GNG4: variants seen among roughly 807,000 people sequenced by gnomAD.
GNG4 encodes guanine nucleotide-binding protein G(I)/G(S)/G(O) subunit gamma-4.
A neutral mutation model predicts 5.8 loss-of-function variants in GNG4; 4 were observed. The observed-to-expected ratio is 0.69, with a 90% CI of 0.34 to 1.57. GNG4 has a LOEUF of 1.57. Ranked by LOEUF, GNG4 falls within the 40% of genes most tolerant of loss-of-function variation. GNG4 has a pLI of 0.06. For missense variants in GNG4, 96 were observed against 95.1 expected (o/e 1.01, Z -0.04); for synonymous variants, 29 against 32.9 (o/e 0.88, Z 0.41).
At chr1:235,563,434 C>T (rs963452690) in intron 3 of GNG4, among the ~76,000 whole-genome samples, 8 of 113,456 alleles carry the variant, frequency 7.1e-5, no homozygotes, top group Middle Eastern at 6.4e-3. Flanking sequence ...AAAAAAAAAG[C>T]GTTTTATCTT....
chr1:235,632,899 C>A (rs1035968286), intron 1 of GNG4, among the ~76,000 whole-genome samples: 22 of 152,196 alleles, frequency 1.4e-4, no homozygotes, highest in African/African-American at 5.3e-4. Flanking sequence ...AAAGACTATT[C>A]AAAGAAAATT....
chr1:235,591,890 C>T (rs61591926), intron 2 of GNG4, among the ~76,000 whole-genome samples: 3 of 152,156 alleles, frequency 2.0e-5, no homozygotes, highest in Non-Finnish European at 2.9e-5. Flanking sequence ...ACCCGTTGTA[C>T]GGGTCTGTGG....
chr1:235,616,197 A>G, intron 1 of GNG4: 1 of 523,338 alleles, frequency 1.9e-6, no homozygotes. Context: ...TTCTCTGCCA[A>G]CTGAATTTTT....
intron 2 of GNG4, among the ~76,000 whole-genome samples, chr1:235,590,424 C>T (rs1267352049): frequency 6.6e-6 from 1 of 152,004 alleles, no homozygotes; most frequent in East Asian, 1.9e-4. Context: ...CACTGCACTC[C>T]AGCCTGGGTG....
In GNG4 at chr1:235,644,227, C is replaced by T. The variant is rs1330012147; in HGVS notation, c.-123+5435G>A. On this transcript the variant is annotated intron_variant, in intron 1 of 3. Coordinates refer to ENST00000391854, the MANE Select transcript of GNG4 (RefSeq NM_001098722.2). This position sits in a 1 kb window ranked among gnomAD's most constrained non-coding sequence, Gnocchi z 5.9. ...TCCATCAGATAAAATTCAGCCACAG[C>T]GGGAGGGAGCGTGTGAGACCCACGA... Among the ~76,000 whole-genome samples the T allele has an allele frequency of 3.9e-5, 6 of 152,190 alleles. No individual in the cohort carries two copies. Among genetic ancestry groups the T allele is most frequent in the South Asian group, 2.1e-4 (1 of 4,822 alleles).
At chr1:235,611,440 C>T (rs1688473072) in intron 1 of GNG4, among the ~76,000 whole-genome samples, 1 of 152,148 alleles carries the variant, frequency 6.6e-6, no homozygotes, top group South Asian at 2.1e-4. Context: ...TACCAATGTG[C>T]TGGGATTATA....
chr1:235,574,836 C>CT (rs890339331), intron 3 of GNG4, among the ~76,000 whole-genome samples: 22 of 151,854 alleles, frequency 1.4e-4, no homozygotes, highest in African/African-American at 5.3e-4. Flanking sequence ...TCTTTCTTTT[C>CT]TTTTTTGAGA....
chr1:235,611,157 T>TTC (rs1317294841), intron 1 of GNG4, among the ~76,000 whole-genome samples: 2 of 150,722 alleles, frequency 1.3e-5, no homozygotes, highest in East Asian at 2.0e-4. Flanking sequence ...AGGGCAGAGA[T>TTC]TCTCTCTCTC....
At chr1:235,564,019 G>A (rs1157305031) in intron 3 of GNG4, among the ~76,000 whole-genome samples, 1 of 152,114 alleles carries the variant, frequency 6.6e-6, no homozygotes, top group African/African-American at 2.4e-5. Flanking sequence ...AATCAACCTA[G>A]ATGCTTACCA....
At chr1:235,595,073 GGAA>G (rs952808593) in intron 2 of GNG4, among the ~76,000 whole-genome samples, 23 of 151,732 alleles carry the variant, frequency 1.5e-4, no homozygotes, top group African/African-American at 5.1e-4. Flanking sequence ...TTTCCCACAG[GGAA>G]GCACACAGCA....
At chr1:235,588,952 G>GC (rs1687895010) in intron 2 of GNG4, 1 of 152,434 alleles carries the variant, frequency 6.6e-6, no homozygotes, top group Non-Finnish European at 1.5e-5. Context: ...TGCCCTGCCG[G>GC]CAGGGCCCTC....
Position 235,637,489 on chromosome 1 carries a change from C to T in GNG4, c.-123+12173G>A, listed in dbSNP as rs139426921. Reference sequence around the variant, plus strand: ...GCAACATGGCGAAACCCCTTCTCTACGAAAAATACAAAAATTAGCTGGGCG... The same window carrying T: ...GCAACATGGCGAAACCCCTTCTCTATGAAAAATACAAAAATTAGCTGGGCG... On this transcript the variant is annotated intron_variant, in intron 1 of 3. Transcript: ENST00000391854. Among the ~76,000 whole-genome samples, 310 of 151,252 alleles carry T rather than the reference C, an allele frequency of 2.0e-3. 2 individuals are homozygous for T. Among genetic ancestry groups the T allele is most frequent in the East Asian group, 0.018 (94 of 5,148 alleles).
chr1:235,606,171 A>G lies in GNG4; in HGVS notation c.-122-10660T>C, dbSNP rs567841105. Among the ~76,000 whole-genome samples the G allele has an allele frequency of 1.7e-3, 255 of 152,166 alleles. 1 individual carries two copies. Among genetic ancestry groups the G allele is most frequent in the African/African-American group, 5.9e-3 (245 of 41,512 alleles). On this transcript the variant is annotated intron_variant, in intron 1 of 3. Transcript: ENST00000391854. ...GAGGTGGGCGGATCATGAAGTCAGG[A>G]GTTCGAGACCAGCCTGGCCTGAACA...
chr1:235,573,328 G>T (rs2988744), intron 3 of GNG4, among the ~76,000 whole-genome samples: 54,019 of 123,714 alleles, frequency 0.44, 11,594 homozygotes, highest in East Asian at 0.84. Flanking sequence ...CTGTCAAGGG[G>T]TGGGGGGAGG....
chr1:235,573,040 T>C (rs1470046063), intron 3 of GNG4, among the ~76,000 whole-genome samples: 2 of 152,120 alleles, frequency 1.3e-5, no homozygotes, highest in South Asian at 2.1e-4. Context: ...ATGTTTATTG[T>C]GGCACTATTC....
chr1:235,620,699 C>T (rs1483563857), intron 1 of GNG4, among the ~76,000 whole-genome samples: 3 of 152,146 alleles, frequency 2.0e-5, no homozygotes, highest in Non-Finnish European at 4.4e-5. Context: ...CCACGCCCAG[C>T]TAAGTTTTTA....
rs1183762827 is a variant in GNG4 at position 235,649,751 on chromosome 1, G to T, written c.-212C>A. 6.6e-6 allele frequency: 1 copy of T among 150,984 alleles called. No homozygotes were observed. Among genetic ancestry groups the T allele is most frequent in the Non-Finnish European group, 1.5e-5 (1 of 67,658 alleles). 9.4% of individuals were successfully genotyped at this position (150,984 alleles called of 1,614,324 possible). ...GCGGCATCGCTCCGCATCGGGGCGC[G>T]GGCCGGGCTCGGGTGCAAACGCGCG... On this transcript the variant is annotated 5_prime_UTR_variant, in exon 1 of 4. Transcript: ENST00000391854. This position sits in a 1 kb window ranked among gnomAD's most constrained non-coding sequence, Gnocchi z 5.7.
chr1:235,608,078 C>A (rs569091712), intron 1 of GNG4, among the ~76,000 whole-genome samples: 2 of 152,104 alleles, frequency 1.3e-5, no homozygotes, highest in East Asian at 3.9e-4. Context: ...GCTGGGACTA[C>A]AGGCGCACGC....
In GNG4 at chr1:235,552,042, G is replaced by A. The variant is rs550539550; in HGVS notation, c.*67C>T. ...TGTTGGTCTCACTCCCTAAGGCTTA[G>A]AGCATGCATGGTCTCTACAGGGGAC... On this transcript the variant is annotated 3_prime_UTR_variant, in exon 4 of 4. Coordinates refer to ENST00000391854, the MANE Select transcript of GNG4 (RefSeq NM_001098722.2). The A allele has an allele frequency of 1.4e-6, 2 of 1,469,896 alleles. No individual in the cohort carries two copies. Among genetic ancestry groups the A allele is most frequent in the African/African-American group, 2.8e-5 (2 of 72,324 alleles). The allele number at this position is 1,469,896 out of a possible 1,614,324, so 91.1% of individuals were successfully genotyped here.
Sources: allele counts gnomAD v4.1 joint callset (sites outside exome capture counted in the v4.1 genomes callset), GRCh38; gene constraint gnomAD v4.1.1; non-coding constraint Gnocchi (gnomAD v3.1); transcripts MANE v1.5; gene names NCBI Gene and HGNC (gene_info 2026-07-23, HGNC 2026-07-21).